The following TCF7L1 variants were observed in gnomAD, a reference collection of about 807,000 sequenced individuals.
TCF7L1 encodes the protein transcription factor 7 like 1, also known as transcription factor 7-like 1.
A neutral mutation model predicts 63.7 loss-of-function variants in TCF7L1; 18 were observed. The ratio of observed to expected loss-of-function variants is 0.28; its 90% CI spans 0.20 to 0.42. The LOEUF (loss-of-function observed/expected upper bound fraction) is 0.42. Ranked by LOEUF, TCF7L1 falls within the 10% of genes least tolerant of loss-of-function variation. The pLI is 1.00. For missense variants in TCF7L1, 654 were observed against 779.3 expected (o/e 0.84, Z 1.91); for synonymous variants, 355 against 340.9 (o/e 1.04, Z -0.46).
At position 85,217,463 on chromosome 2, in the gene TCF7L1, C is replaced by T. The variant is rs184870951; in HGVS notation, c.442-66032C>T. Among the ~76,000 whole-genome samples, 14 of 152,308 alleles carry T rather than the reference C, an allele frequency of 9.2e-5. No homozygotes were observed. The South Asian group carries it at 1.0e-3, about 11-fold the overall frequency. On this transcript the variant is annotated intron_variant, in intron 3 of 11. Coordinates refer to ENST00000282111, the MANE Select transcript of TCF7L1 (RefSeq NM_031283.3). ...GTTTGATGTCACTCACTACTCATGT[C>T]GCAGCATAGGGTGTCACAGCCTGTG...
At chr2:85,146,868 T>A (rs1677891877) in intron 3 of TCF7L1, among the ~76,000 whole-genome samples, 1 of 152,192 alleles carries the variant, frequency 6.6e-6, no homozygotes, top group Non-Finnish European at 1.5e-5. Flanking sequence ...AATCAGAGCC[T>A]TAATAGCTGG....
chr2:85,135,810 T>G (rs13003453), intron 3 of TCF7L1, among the ~76,000 whole-genome samples: 12,570 of 151,828 alleles, frequency 0.083, 618 homozygotes, highest in Middle Eastern at 0.16. Context: ...GCTTTGGCCC[T>G]GCTGGCCTGG....
intron 3 of TCF7L1, among the ~76,000 whole-genome samples, chr2:85,220,811 A>G (rs1001582035): frequency 2.6e-5 from 4 of 152,236 alleles, no homozygotes; most frequent in African/African-American, 4.8e-5. Flanking sequence ...GAGAGAGAAT[A>G]TATATTTTGT....
chr2:85,271,200 C>T (rs1573018982), intron 3 of TCF7L1, among the ~76,000 whole-genome samples: 1 of 152,026 alleles, frequency 6.6e-6, no homozygotes, highest in African/African-American at 2.4e-5. Flanking sequence ...GCAACTTCTG[C>T]CTCCCAGATT....
intron 4 of TCF7L1, among the ~76,000 whole-genome samples, chr2:85,300,954 A>G (rs910520349): frequency 6.6e-6 from 1 of 151,818 alleles, no homozygotes; most frequent in Non-Finnish European, 1.5e-5. Flanking sequence ...TAATTTTTGT[A>G]TTTTTAGTAG....
Position 85,268,602 on chromosome 2 carries a change from C to T in TCF7L1, c.442-14893C>T, listed in dbSNP as rs540964403. ...GATTACAGGCGCCCGCCACCATGCC[C>T]GGCTAGTTTTTGTACTTTTCATAGA... On this transcript the variant is annotated intron_variant, in intron 3 of 11. Transcript: ENST00000282111. 7.9e-5 allele frequency among the ~76,000 whole-genome samples: 12 copies of T among 151,724 alleles called. No individual in the cohort carries two copies. In the South Asian group the frequency reaches 1.3e-3, roughly 16 times the overall value.
rs1682227774 is a variant in TCF7L1, at chr2:85,309,633, T to G, written c.*171T>G. 5.5e-6 allele frequency: 3 copies of G among 545,452 alleles called. No individual in the cohort carries two copies. The highest frequency in any genetic ancestry group is 8.8e-6 in the Non-Finnish European group (3 of 341,384). 33.8% of individuals were successfully genotyped at this position (545,452 alleles called of 1,614,324 possible). ...TGTAGATGTAACCAGTAGCTGATCT[T>G]AAGGCTTTTTTAAAAAACAAAACAA... On this transcript the variant is annotated 3_prime_UTR_variant, in exon 12 of 12. Coordinates refer to ENST00000282111, the MANE Select transcript of TCF7L1 (RefSeq NM_031283.3).
intron 3 of TCF7L1, among the ~76,000 whole-genome samples, chr2:85,269,050 G>A (rs1302242517): frequency 1.3e-5 from 2 of 152,112 alleles, no homozygotes; most frequent in African/African-American, 4.8e-5. Context: ...TGAGAAGAGA[G>A]AGATGGTAGA....
chr2:85,240,088 G>A (rs963573550), intron 3 of TCF7L1, among the ~76,000 whole-genome samples: 1 of 152,176 alleles, frequency 6.6e-6, no homozygotes, highest in Non-Finnish European at 1.5e-5. Flanking sequence ...TTACTGAGAC[G>A]TTGGATGTTC....
rs544892975 is a variant in TCF7L1, at chr2:85,277,153, C to T, written c.442-6342C>T. On this transcript the variant is annotated intron_variant, in intron 3 of 11. Coordinates refer to ENST00000282111, the MANE Select transcript of TCF7L1 (RefSeq NM_031283.3). ...GGCTTTATCTCTTGACCCCAGAAAC[C>T]AACCAGGGAAGTGTTCTGAGCAGGG... 2.0e-5 allele frequency among the ~76,000 whole-genome samples: 3 copies of T among 151,994 alleles called. No homozygotes were observed. The East Asian group carries it at 5.8e-4, about 30-fold the overall frequency.
chr2:85,270,229 T>C (rs1424320411), intron 3 of TCF7L1, among the ~76,000 whole-genome samples: 2 of 152,244 alleles, frequency 1.3e-5, no homozygotes, highest in Admixed American at 6.5e-5. Context: ...CCTCAATACC[T>C]GGGATGCTTT....
intron 3 of TCF7L1, among the ~76,000 whole-genome samples, chr2:85,146,810 G>A (rs1677891071): frequency 6.6e-6 from 1 of 152,054 alleles, no homozygotes; most frequent in South Asian, 2.1e-4. Flanking sequence ...GGCTTCAGTG[G>A]CATTTCTATC....
intron 4 of TCF7L1, among the ~76,000 whole-genome samples, chr2:85,286,775 G>A (rs977133556): frequency 6.6e-5 from 10 of 152,094 alleles, no homozygotes; most frequent in Admixed American, 3.9e-4. Context: ...GATTACAGGC[G>A]TGAGCCACTG....
At chr2:85,263,201 A>C in intron 3 of TCF7L1, among the ~76,000 whole-genome samples, 1 of 151,936 alleles carries the variant, frequency 6.6e-6, no homozygotes, top group East Asian at 1.9e-4. Context: ...CTGGCTAGAA[A>C]ATGGATGGAG....
intron 3 of TCF7L1, among the ~76,000 whole-genome samples, chr2:85,269,010 G>T (rs1419538168): frequency 6.6e-6 from 1 of 152,086 alleles, no homozygotes; most frequent in Admixed American, 6.6e-5. Context: ...TGGAGGAAAA[G>T]ATGTCTGAGG....
At chr2:85,235,688 G>A (rs747594930) in intron 3 of TCF7L1, among the ~76,000 whole-genome samples, 3 of 152,076 alleles carry the variant, frequency 2.0e-5, no homozygotes, top group Non-Finnish European at 4.4e-5. Flanking sequence ...GGCAAAACAG[G>A]TACCTTTTTA....
At chr2:85,183,719 G>A (rs1316894973) in intron 3 of TCF7L1, among the ~76,000 whole-genome samples, 1 of 152,156 alleles carries the variant, frequency 6.6e-6, no homozygotes, top group African/African-American at 2.4e-5. Context: ...GTTTGGAGAG[G>A]CAAAAGCAAC....
At chr2:85,262,270 C>T (rs1441943170) in intron 3 of TCF7L1, 3 of 547,650 alleles carry the variant, frequency 5.5e-6, no homozygotes, top group South Asian at 1.4e-5. Context: ...TTGATGGGCG[C>T]ATCTTCACCT....
rs183808362 is a variant in TCF7L1 at position 85,270,928 on chromosome 2, C to T, written c.442-12567C>T. On this transcript the variant is annotated intron_variant, in intron 3 of 11. Transcript: ENST00000282111. ...CCCAGGCTGGTCTTGAACTCCTGGG[C>T]TCAAGTGATCCACCTGCCTCAGCCT... is the stretch of plus-strand genomic sequence containing the variant. Among the ~76,000 whole-genome samples, 2 of 152,110 alleles carry T rather than the reference C, an allele frequency of 1.3e-5. 1 individual carries two copies.
Sources: gnomAD v4.1 joint callset for allele counts (sites outside exome capture counted in the v4.1 genomes callset) on GRCh38, gnomAD v4.1.1 for gene constraint, MANE v1.5 for transcripts, NCBI Gene and HGNC (gene_info 2026-07-23, HGNC 2026-07-21) for gene names.